The following UBR2 variants were observed in gnomAD, a reference collection of about 807,000 sequenced individuals.
UBR2 encodes E3 ubiquitin-protein ligase UBR2.
A neutral mutation model predicts 247.9 loss-of-function variants in UBR2; 92 were observed. The ratio of observed to expected loss-of-function variants is 0.37; its 90% confidence interval spans 0.31 to 0.44. The LOEUF is 0.44. Among genes scored for constraint, UBR2 ranks in the 20% least tolerant of loss-of-function variants. The pLI, the probability that UBR2 is intolerant of heterozygous loss-of-function variation, is 1.00. For synonymous variants in UBR2, 672 were observed against 693.5 expected (o/e 0.97, Z 0.49); for missense variants, 1,613 against 2,112.6 (o/e 0.76, Z 4.64).
At chr6:42,577,462 A>G (rs1195459378) in intron 2 of UBR2, among the ~76,000 whole-genome samples, 1 of 152,174 alleles carries the variant, frequency 6.6e-6, no homozygotes, top group African/African-American at 2.4e-5. Flanking sequence ...GCAGTAAGCT[A>G]CTTTTTGTGT....
chr6:42,609,342 A>C (rs1442396949), intron 7 of UBR2, among the ~76,000 whole-genome samples: 1 of 152,188 alleles, frequency 6.6e-6, no homozygotes, highest in Non-Finnish European at 1.5e-5. Context: ...TGTTTTAATA[A>C]GTCCACACCA....
chr6:42,670,372 C>T, intron 35 of UBR2, 132 bp downstream of exon 35: 2 of 1,183,000 alleles, frequency 1.7e-6, no homozygotes, highest in Non-Finnish European at 2.3e-6. Context: ...GACTTAGAAG[C>T]AAGAAATGTA....
intron 30 of UBR2, among the ~76,000 whole-genome samples, chr6:42,660,580 T>G (rs1053044188): frequency 6.6e-6 from 1 of 152,168 alleles, no homozygotes; most frequent in East Asian, 1.9e-4. Context: ...GAAAGGAGGT[T>G]TGAGAGCCCA....
intron 3 of UBR2, 115 bp downstream of exon 3, chr6:42,592,344 C>A: frequency 1.3e-6 from 1 of 782,172 alleles, no homozygotes; most frequent in Non-Finnish European, 1.9e-6. Flanking sequence ...GTGGTTTAAA[C>A]AGTGTGTTTA....
At position 42,678,643 on chromosome 6, in the gene UBR2, G is replaced by C. The variant is rs1188709114; in HGVS notation, c.4583G>C (p.Gly1528Ala). The C allele has an allele frequency of 6.2e-7, 1 of 1,611,632 alleles. No individual in the cohort carries two copies. The highest frequency in any genetic ancestry group is 2.2e-5 in the East Asian group (1 of 44,678). The change falls in exon 41 of 47, where the codon GGA (glycine) becomes GCA (alanine). Residue 1528 changes from glycine to alanine, a missense_variant. Transcript: ENST00000372901. ...CSALFFHYLN[G>A]VPSPPDIQVP... ...GCTTTATTTTTTCATTACTTAAATG[G>C]AGTTCCTTCCCCACCCGACATTCAA...
chr6:42,611,966 A>AT (rs143988322), intron 7 of UBR2, among the ~76,000 whole-genome samples: 3,542 of 151,784 alleles, frequency 0.023, 121 homozygotes, highest in African/African-American at 0.08. Flanking sequence ...GAACCTTCGT[A>AT]TTTTTTTGTA....
chr6:42,615,918 A>C, intron 9 of UBR2, 84 bp from the exon 10 acceptor site: 2 of 1,076,174 alleles, frequency 1.9e-6, no homozygotes, highest in Non-Finnish European at 1.3e-6. Flanking sequence ...CAAAACAAAA[A>C]AAACCCACTG....
rs139289153 is a variant in UBR2 at position 42,580,112 on chromosome 6, A to C, written c.338+6119A>C. On this transcript the variant is annotated intron_variant, in intron 2 of 46. Transcript: ENST00000372901. The stretch of plus-strand genomic sequence containing the variant: ...CATGTTTGTGTACATCTCTTTGTAC[A>C]TGTTTCAATAAATACCCAGAGGTAG... Among the ~76,000 whole-genome samples, 864 of 152,184 alleles carry C rather than the reference A, an allele frequency of 5.7e-3. 5 individuals are homozygous for C. The highest frequency in any genetic ancestry group is 0.012 in the South Asian group (57 of 4,824).
Position 42,676,171 on chromosome 6 carries a change from T to C in UBR2, c.4367T>C (p.Ile1456Thr), listed in dbSNP as rs2151987414. The C allele has an allele frequency of 6.2e-7, 1 of 1,610,538 alleles. No individual in the cohort carries two copies. Among genetic ancestry groups the C allele is most frequent in the South Asian group, 1.1e-5 (1 of 90,178 alleles). ...GTTACTATGGCACACATCATACAGATCTTACTTACCTCATGTACAGGTAAC... is the reference window on the plus strand; with the variant it reads ...GTTACTATGGCACACATCATACAGACCTTACTTACCTCATGTACAGGTAAC... ...HLVTMAHIIQ[I>T]LLTSCTEENG... Residue 1456 changes from isoleucine to threonine, a missense_variant, in exon 39 of 47, where the codon ATC (isoleucine) becomes ACC (threonine). Physicochemically the swap from Ile to Thr is moderately conservative, Grantham distance 89. This residue lies in a region of UBR2 where 1,524 missense variants were observed against 1,967.3 expected (regional missense o/e 0.77). Transcript: ENST00000372901.
At chr6:42,635,652 T>C in intron 14 of UBR2, 106 bp downstream of exon 14, 1 of 1,338,576 alleles carries the variant, frequency 7.5e-7, no homozygotes, top group African/African-American at 1.4e-5. Flanking sequence ...GTGGTGATAC[T>C]TAGTTCATTA....
Position 42,615,175 on chromosome 6 carries a change from A to G in UBR2, c.1090A>G (p.Lys364Glu). The G allele has an allele frequency of 6.2e-7, 1 of 1,609,912 alleles. No homozygotes were observed. The change falls in exon 9 of 47, where the codon AAA becomes GAA. Residue 364 changes from lysine (K) to glutamate (E), a missense_variant. Physicochemically the swap from Lys to Glu is moderately conservative, Grantham distance 56 (BLOSUM62 1). Coordinates refer to ENST00000372901, the MANE Select transcript of UBR2 (RefSeq NM_001363705.2). ...GATGCTTAGTGATTCCAAATTATGG[A>G]AAGGTGAATCTCTTAACTACTTTTA... ...RLMLSDSKLW[K>E]GARSVYHQLF...
chr6:42,598,333 T>C (rs1309530058), intron 4 of UBR2, among the ~76,000 whole-genome samples: 1 of 152,228 alleles, frequency 6.6e-6, no homozygotes, highest in Non-Finnish European at 1.5e-5. Context: ...AATTTTAACG[T>C]AGTATTTGTA....
At chr6:42,662,375 T>TA (rs1327220938) in intron 31 of UBR2, 98 bp downstream of exon 31, 2 of 747,040 alleles carry the variant, frequency 2.7e-6, no homozygotes, top group East Asian at 5.7e-5. Context: ...GGAAAAGAAC[T>TA]AAAAATGTTG....
intron 1 of UBR2, among the ~76,000 whole-genome samples, chr6:42,565,499 A>G (rs1790727956): frequency 6.6e-6 from 1 of 152,204 alleles, no homozygotes; most frequent in Non-Finnish European, 1.5e-5. Context: ...GTAGAGGTGA[A>G]GACTTTAAAG....
At chr6:42,686,123 G>A (rs926247027) in intron 44 of UBR2, among the ~76,000 whole-genome samples, 1 of 151,456 alleles carries the variant, frequency 6.6e-6, no homozygotes, top group Non-Finnish European at 1.5e-5. Context: ...GGTGTTTCTC[G>A]GAGGGGGGGA....
chr6:42,611,837 G>T (rs905392185), intron 7 of UBR2, among the ~76,000 whole-genome samples: 2 of 151,726 alleles, frequency 1.3e-5, no homozygotes, highest in African/African-American at 2.4e-5. Flanking sequence ...GACCCAAGAG[G>T]TGGAGGTTGC....
At position 42,564,366 on chromosome 6, in the gene UBR2, T is replaced by C. The variant is rs1362521956; in HGVS notation, c.47T>C (p.Leu16Ser). The C allele has an allele frequency of 6.2e-6, 10 of 1,611,034 alleles. No individual in the cohort carries two copies. Among genetic ancestry groups the C allele is most frequent in the Non-Finnish European group, 8.5e-6 (10 of 1,178,820 alleles). ...GAGGTGCAGGCCATCGACCGGAGCTTGCTGGAATGTTCGGCCGAGGAGATT... is the reference window on the plus strand; with the variant it reads ...GAGGTGCAGGCCATCGACCGGAGCTCGCTGGAATGTTCGGCCGAGGAGATT... ...EPEVQAIDRS[L>S]LECSAEEIAG... Residue 16 changes from leucine (L) to serine (S), a missense_variant, in exon 1 of 47, where the codon TTG becomes TCG. This residue lies in a region of UBR2 where 1,524 missense variants were observed against 1,967.3 expected (regional missense o/e 0.77). Coordinates refer to ENST00000372901, the MANE Select transcript of UBR2 (RefSeq NM_001363705.2).
At chr6:42,564,874 T>G (rs1405804128) in intron 1 of UBR2, among the ~76,000 whole-genome samples, 1 of 151,324 alleles carries the variant, frequency 6.6e-6, no homozygotes, top group Non-Finnish European at 1.5e-5. Context: ...TTTTTGGGAC[T>G]GCCCCAGGCA....
In UBR2 at chr6:42,567,202, G is replaced by A. The variant is rs192093937; in HGVS notation, c.78+2805G>A. On this transcript the variant is annotated intron_variant, in intron 1 of 46. Coordinates refer to ENST00000372901, the MANE Select transcript of UBR2 (RefSeq NM_001363705.2). ...GCTTTTCTTATTCCTGTTATAAGGA[G>A]GAAGAACTTTTTGTGATCCCATCCA... is the stretch of plus-strand genomic sequence containing the variant. 6.5e-3 allele frequency among the ~76,000 whole-genome samples: 989 copies of A among 151,286 alleles called. 10 individuals are homozygous for A. Among genetic ancestry groups the A allele is most frequent in the African/African-American group, 0.023 (942 of 41,442 alleles).
Sources: allele counts gnomAD v4.1 joint callset (sites outside exome capture counted in the v4.1 genomes callset), GRCh38; gene constraint gnomAD v4.1.1; regional missense constraint gnomAD v4.1.1; transcripts MANE v1.5; gene names NCBI Gene and HGNC (gene_info 2026-07-23, HGNC 2026-07-21).